The following BTD variants were observed in gnomAD, a reference collection of about 807,000 sequenced individuals.
The protein encoded by BTD is biocytinase.
In BTD, 13 loss-of-function variants were observed where a neutral mutation model predicts 17.7. That is an observed-to-expected ratio of 0.74 (90% CI 0.48 to 1.17). The LOEUF is 1.17. Among genes scored for constraint, BTD ranks in the 50% most tolerant of loss-of-function variants. BTD has a pLI of 0.00. For missense variants in BTD, 674 were observed against 650.4 expected (o/e 1.04, Z -0.39); for synonymous variants, 240 against 245.2 (o/e 0.98, Z 0.20).
intron 1 of BTD, among the ~76,000 whole-genome samples, chr3:15,628,701 G>T (rs2065127479): frequency 6.6e-6 from 1 of 152,140 alleles, no homozygotes; most frequent in African/African-American, 2.4e-5. Flanking sequence ...CAGTGGAAAA[G>T]CTTTATGTGT....
At chr3:15,687,978 CT>C (rs1465986230) in intron 3 of BTD, among the ~76,000 whole-genome samples, 1 of 152,158 alleles carries the variant, frequency 6.6e-6, no homozygotes, top group African/African-American at 2.4e-5. Flanking sequence ...CTTATAGATG[CT>C]CTCTATAGAC....
At chr3:15,722,288 T>A (rs1294789003) in exon 5 of BTD, among the ~76,000 whole-genome samples, 1 of 152,240 alleles carries the variant, frequency 6.6e-6, no homozygotes. Context: ...GGAGCCCCAA[T>A]AAAAACCGAA....
intron 3 of BTD, among the ~76,000 whole-genome samples, chr3:15,708,405 C>T (rs925479426): frequency 2.0e-5 from 3 of 151,968 alleles, no homozygotes; most frequent in Non-Finnish European, 4.4e-5. Flanking sequence ...GTTTCCCCTA[C>T]ATTAATAAAA....
intron 1 of BTD, among the ~76,000 whole-genome samples, chr3:15,633,768 C>T (rs571371354): frequency 6.6e-6 from 1 of 152,200 alleles, no homozygotes; most frequent in East Asian, 1.9e-4. Context: ...GAAAGTTTGC[C>T]CCCAAAATCA....
chr3:15,659,623 T>C (rs2065902742), intron 3 of BTD, among the ~76,000 whole-genome samples: 1 of 152,222 alleles, frequency 6.6e-6, no homozygotes, highest in African/African-American at 2.4e-5. Context: ...AGAGTTAATA[T>C]TTCAATTTTT....
chr3:15,622,324 T>C (rs150651436), intron 1 of BTD, among the ~76,000 whole-genome samples: 1 of 152,374 alleles, frequency 6.6e-6, no homozygotes, highest in East Asian at 1.9e-4. Context: ...TATTTAAAAC[T>C]GTGCAGTTTT....
intron 3 of BTD, among the ~76,000 whole-genome samples, chr3:15,698,056 T>A (rs2069932106): frequency 6.6e-6 from 1 of 152,244 alleles, no homozygotes; most frequent in African/African-American, 2.4e-5. Flanking sequence ...GTAGTTTGTA[T>A]TTCTTTGAGC....
Position 15,645,720 on chromosome 3 carries a change from A to G in BTD, c.*232A>G, listed in dbSNP as rs2065679030. ...TAGGGGGTATTTTCTGTTCACATTT[A>G]TCTTTTTCAAGCCACATCTTCCTCT... is the stretch of plus-strand genomic sequence containing the variant. On this transcript the variant is annotated 3_prime_UTR_variant, in exon 4 of 4. Transcript: ENST00000643237. 1.9e-6 allele frequency: 1 copy of G among 523,592 alleles called. No homozygotes were observed. Among genetic ancestry groups the G allele is most frequent in the Non-Finnish European group, 3.4e-6 (1 of 296,230 alleles). The allele number at this position is 523,592 out of a possible 1,614,324, so 32.4% of individuals were successfully genotyped here.
At chr3:15,677,483 G>A (rs1228194194) in intron 3 of BTD, 1 of 1,608,440 alleles carries the variant, frequency 6.2e-7, no homozygotes, top group African/African-American at 1.3e-5. Flanking sequence ...TACATACCTT[G>A]CTACAAGCCA....
intron 2 of BTD, among the ~76,000 whole-genome samples, chr3:15,638,677 A>G (rs781730283): frequency 2.6e-5 from 4 of 152,242 alleles, no homozygotes; most frequent in Non-Finnish European, 5.9e-5. Flanking sequence ...TGACAGGGAT[A>G]TGTTCTGAAA....
Position 15,601,841 on chromosome 3 carries a change from T to G in BTD, c.-70T>G. The G allele has an allele frequency of 6.2e-7, 1 of 1,613,942 alleles. No individual in the cohort carries two copies. The highest frequency in any genetic ancestry group is 8.5e-7 in the Non-Finnish European group (1 of 1,179,984). On this transcript the variant is annotated 5_prime_UTR_variant, in exon 1 of 4. Coordinates refer to ENST00000643237, the MANE Select transcript of BTD (RefSeq NM_001370658.1). ...GCCAGCTGGAGCGTTTTCGGGGCTG[T>G]AAAGGGAGAATGGCGCATGCGCATA...
At chr3:15,601,430 CCTCGCTGCG>C, upstream of BTD, 1 of 1,613,930 alleles carries the variant, frequency 6.2e-7, no homozygotes. Flanking sequence ...GACACCTGCT[CCTCGCTGCG>C]CTCTGCGAAG....
intron 3 of BTD, chr3:15,707,924 T>C (rs1441155350): frequency 5.0e-6 from 8 of 1,612,600 alleles, no homozygotes; most frequent in South Asian, 3.3e-5. Flanking sequence ...TGGTACTTAC[T>C]TGCCATCTGT....
chr3:15,618,143 T>G (rs1464159366), intron 1 of BTD, among the ~76,000 whole-genome samples: 1 of 152,218 alleles, frequency 6.6e-6, no homozygotes, highest in African/African-American at 2.4e-5. Flanking sequence ...TTTTTAATTT[T>G]GTAGAGAATG....
chr3:15,632,090 C>G (rs1357371089), intron 1 of BTD, among the ~76,000 whole-genome samples: 1 of 152,192 alleles, frequency 6.6e-6, no homozygotes, highest in Non-Finnish European at 1.5e-5. Flanking sequence ...GCCGTGCTCT[C>G]ACCTCGCAGA....
At chr3:15,673,886 T>C (rs2066632606) in intron 3 of BTD, among the ~76,000 whole-genome samples, 1 of 151,794 alleles carries the variant, frequency 6.6e-6, no homozygotes, top group Non-Finnish European at 1.5e-5. Flanking sequence ...ATGTAGGGCC[T>C]AGTAAGGTCA....
At chr3:15,634,141 T>A (rs1271853880) in intron 1 of BTD, among the ~76,000 whole-genome samples, 1 of 152,250 alleles carries the variant, frequency 6.6e-6, no homozygotes. Flanking sequence ...CTTAGTCTGT[T>A]GACGAAAAGA....
chr3:15,631,945 G>T (rs1361583814), intron 1 of BTD, among the ~76,000 whole-genome samples: 7 of 152,168 alleles, frequency 4.6e-5, no homozygotes, highest in Non-Finnish European at 8.8e-5. Context: ...CCACTAAGCA[G>T]GTCCCTGTCA....
At chr3:15,694,654 T>C in intron 3 of BTD, 2 of 1,156,592 alleles carry the variant, frequency 1.7e-6, no homozygotes, top group Non-Finnish European at 1.3e-6. Flanking sequence ...AAGTTTATGG[T>C]ACTAGTTTGA....
Sources: allele counts gnomAD v4.1 joint callset (sites outside exome capture counted in the v4.1 genomes callset), GRCh38; gene constraint gnomAD v4.1.1; transcripts MANE v1.5; gene names NCBI Gene and HGNC (gene_info 2026-07-23, HGNC 2026-07-21).